Variants in SLC12A7 observed in about 807,000 individuals in gnomAD.
SLC12A7 encodes solute carrier family 12 member 7.
In SLC12A7, 100 loss-of-function variants were observed where a neutral mutation model predicts 120.6. The ratio of observed to expected loss-of-function variants is 0.83; its 90% CI spans 0.71 to 0.98. The LOEUF is 0.98. SLC12A7 is among the 50% of genes least tolerant of loss of function. The pLI, the probability that SLC12A7 is intolerant of heterozygous loss-of-function variation, is 0.00. For synonymous variants in SLC12A7, 760 were observed against 678.0 expected (o/e 1.12, Z -1.88); for missense variants, 1,373 against 1,548.1 (o/e 0.89, Z 1.90).
the SLC12A7 span, among the ~76,000 whole-genome samples, chr5:1,142,662 C>A: frequency 1.3e-5 from 2 of 149,162 alleles, no homozygotes; most frequent in African/African-American, 2.5e-5. Flanking sequence ...GTCTCCCTGT[C>A]TCTCTGTCTC....
At chr5:1,122,272 C>T in the SLC12A7 span, among the ~76,000 whole-genome samples, 18 of 152,170 alleles carry the variant, frequency 1.2e-4, no homozygotes, top group South Asian at 2.9e-3. Flanking sequence ...CAGGGCTGTG[C>T]GAGGCGGGGT....
intron 1 of SLC12A7, among the ~76,000 whole-genome samples, chr5:1,097,293 G>T (rs373796249): frequency 2.6e-4 from 39 of 152,186 alleles, no homozygotes; most frequent in African/African-American, 8.9e-4. Flanking sequence ...CCTTCCCGTC[G>T]CCTCCAACAC....
chr5:1,053,380 A>T lies in SLC12A7; in HGVS notation c.3129T>A (p.Gly1043=), dbSNP rs770854282. ...DAQLVLLNMP[G]PPKNRQGDEN... is the part of the protein sequence containing the mutation. ...CGTCTCCCTGCCGGTTTTTGGGAGG[A>T]CCTGGCATGTTGAGCAGGACCAGCT... Residue 1043 remains glycine (G), a synonymous_variant, in exon 23 of 24, where the codon GGT becomes GGA. Transcript: ENST00000264930. 3.7e-6 allele frequency: 6 copies of T among 1,613,900 alleles called. No homozygotes were observed. The highest frequency in any genetic ancestry group is 5.1e-6 in the Non-Finnish European group (6 of 1,179,988).
the SLC12A7 span, among the ~76,000 whole-genome samples, chr5:1,128,735 G>A: frequency 5.9e-5 from 9 of 152,238 alleles, no homozygotes; most frequent in Non-Finnish European, 1.2e-4. Context: ...GCATGTATGT[G>A]TGCGTGTGTG....
chr5:1,146,803 T>C, the SLC12A7 span, among the ~76,000 whole-genome samples: 2 of 152,106 alleles, frequency 1.3e-5, no homozygotes, highest in African/African-American at 4.8e-5. This position sits in a 1 kb window ranked among gnomAD's most constrained non-coding sequence, Gnocchi z 6.5. Context: ...TCCCAAACAA[T>C]TGCCAATCAG....
At chr5:1,111,325 C>G (rs899533760) in intron 1 of SLC12A7, among the ~76,000 whole-genome samples, 21 of 152,296 alleles carry the variant, frequency 1.4e-4, no homozygotes, top group African/African-American at 4.8e-4. Flanking sequence ...CTGAGCAAGG[C>G]CCCGGTGGCT....
intron 9 of SLC12A7, among the ~76,000 whole-genome samples, chr5:1,081,289 C>T (rs1035191632): frequency 3.9e-5 from 6 of 152,054 alleles, no homozygotes; most frequent in African/African-American, 1.2e-4. Context: ...GGGAGACCCC[C>T]GTCTACAAAA....
chr5:1,066,527 G>T (rs986035509), intron 17 of SLC12A7, among the ~76,000 whole-genome samples: 1 of 152,088 alleles, frequency 6.6e-6, no homozygotes, highest in Admixed American at 6.5e-5. Flanking sequence ...GTTGAATAGT[G>T]CCCCCAAAAA....
chr5:1,075,834 G>A (rs761747634), intron 14 of SLC12A7: 7 of 505,648 alleles, frequency 1.4e-5, no homozygotes, highest in Admixed American at 7.1e-5. Flanking sequence ...GATGGGCTAC[G>A]CCCCAAGCCT....
intron 1 of SLC12A7, among the ~76,000 whole-genome samples, chr5:1,108,989 G>A (rs1281154065): frequency 2.0e-5 from 3 of 152,176 alleles, no homozygotes; most frequent in Non-Finnish European, 4.4e-5. Flanking sequence ...GGGAAGTGGC[G>A]CCCAAGCCAG....
chr5:1,130,999 T>A, the SLC12A7 span, among the ~76,000 whole-genome samples: 1 of 151,546 alleles, frequency 6.6e-6, no homozygotes, highest in South Asian at 2.1e-4. Flanking sequence ...GGAGATGGGG[T>A]CCCAGGACAC....
At chr5:1,110,227 G>A (rs538369428) in intron 1 of SLC12A7, among the ~76,000 whole-genome samples, 11 of 152,362 alleles carry the variant, frequency 7.2e-5, no homozygotes, top group Non-Finnish European at 1.2e-4. Context: ...CTGCCAGTTC[G>A]GAGAAATCTC....
the SLC12A7 span, among the ~76,000 whole-genome samples, chr5:1,126,881 T>C: frequency 3.1e-3 from 475 of 152,296 alleles, 2 homozygotes; most frequent in African/African-American, 0.011. Flanking sequence ...GAGCTGGGCT[T>C]CCCCAGAAGG....
At chr5:1,137,214 C>T in the SLC12A7 span, among the ~76,000 whole-genome samples, 2 of 152,150 alleles carry the variant, frequency 1.3e-5, no homozygotes, top group South Asian at 2.1e-4. Flanking sequence ...CCATCACAGG[C>T]GGGGCCACCT....
At chr5:1,084,021 G>A (rs1400281637) in intron 7 of SLC12A7, 65 bp from the exon 8 acceptor site, 5 of 1,441,560 alleles carry the variant, frequency 3.5e-6, no homozygotes, top group Non-Finnish European at 4.8e-6. Flanking sequence ...GCCCCACCCA[G>A]CTCCCCCAAC....
chr5:1,052,228 C>G lies in SLC12A7; in HGVS notation c.*132G>C. 1 of 780,128 alleles carries G rather than the reference C, an allele frequency of 1.3e-6. No homozygotes were observed. Among genetic ancestry groups the G allele is most frequent in the Non-Finnish European group, 2.2e-6 (1 of 447,906 alleles). The allele number at this position is 780,128 out of a possible 1,614,324, so 48.3% of individuals were successfully genotyped here. A position where few individuals can be genotyped will look rare whatever the true frequency, so the allele number is the denominator to read the frequency against. ...GGGCCTAGAAACTTCCGTAGGAAGC[C>G]CCATGGGCAGCTTGGGCGGCATCAC... On this transcript the variant is annotated 3_prime_UTR_variant, in exon 24 of 24. Transcript: ENST00000264930.
At position 1,074,553 on chromosome 5, in the gene SLC12A7, T is replaced by A; in HGVS notation, c.2072+14A>T. 2 of 1,605,650 alleles carry A rather than the reference T, an allele frequency of 1.2e-6. No homozygotes were observed. The highest frequency in any genetic ancestry group is 1.7e-6 in the Non-Finnish European group (2 of 1,174,570). ...CTGTGCGTCTGAGGACCACGGGGCATGGGCGGTGCTCACCTCCAGTTCTTG... is the reference window on the plus strand; with the variant it reads ...CTGTGCGTCTGAGGACCACGGGGCAAGGGCGGTGCTCACCTCCAGTTCTTG... On this transcript the variant is annotated intron_variant, in intron 16 of 23. Transcript: ENST00000264930.
At chr5:1,091,922 C>G (rs552620464) in intron 3 of SLC12A7, among the ~76,000 whole-genome samples, 217 of 152,302 alleles carry the variant, frequency 1.4e-3, no homozygotes, top group African/African-American at 5.0e-3. Flanking sequence ...GAGCTACAGA[C>G]AGGGGGGGCG....
At position 1,065,343 on chromosome 5, in the gene SLC12A7, T is replaced by C. The variant is rs550945453; in HGVS notation, c.2377A>G (p.Met793Val). 32 of 1,608,278 alleles carry C rather than the reference T, an allele frequency of 2.0e-5. No homozygotes were observed. In the South Asian group the frequency reaches 2.6e-4, roughly 13 times the overall value. The change falls in exon 18 of 24, where the codon ATG becomes GTG. Residue 793 changes from methionine (M) to valine (V), a missense_variant. By Grantham distance (21) the Met-to-Val change is conservative. Coordinates refer to ENST00000264930, the MANE Select transcript of SLC12A7 (RefSeq NM_006598.3). Reference protein sequence around the residue: ...LGGLKHNTVLMAWPASWKQED... With the variant: ...LGGLKHNTVLVAWPASWKQED... The stretch of plus-strand genomic sequence containing the variant: ...TGCTTCCAGGATGCGGGCCAGGCCA[T>C]GAGCACCGTGTTGTGCTTCAGGCCG...
Sources: allele counts gnomAD v4.1 joint callset (sites outside exome capture counted in the v4.1 genomes callset), GRCh38; gene constraint gnomAD v4.1.1; non-coding constraint Gnocchi (gnomAD v3.1); transcripts MANE v1.5; gene names NCBI Gene and HGNC (gene_info 2026-07-23, HGNC 2026-07-21).